The following ST6GALNAC3 variants were observed in gnomAD, a reference collection of about 807,000 sequenced individuals.
ST6GALNAC3 encodes the protein alpha-N-acetylgalactosaminide alpha-2,6-sialyltransferase 3.
ST6GALNAC3 carries 25 observed loss-of-function variants against 32.7 expected under a neutral mutation model. The ratio of observed to expected loss-of-function variants is 0.76; its 90% confidence interval spans 0.56 to 1.07. The LOEUF (loss-of-function observed/expected upper bound fraction) is 1.07, where lower values mean the gene tolerates loss of function less well. Among genes scored for constraint, ST6GALNAC3 ranks in the 50% least tolerant of loss-of-function variants. The probability of loss-of-function intolerance (pLI) is 0.00; values close to 1 mark genes in which losing one functional copy is unlikely to be tolerated. For missense variants in ST6GALNAC3, 355 were observed against 382.4 expected (o/e 0.93, Z 0.60); for synonymous variants, 129 against 133.1 (o/e 0.97, Z 0.21).
intron 1 of ST6GALNAC3, among the ~76,000 whole-genome samples, chr1:76,156,976 C>G (rs930447858): frequency 1.1e-4 from 16 of 152,142 alleles, no homozygotes; most frequent in African/African-American, 3.9e-4. Flanking sequence ...CGTGATCTGC[C>G]CGCCTTGGCC....
At chr1:76,608,504 T>C (rs1250970952) in intron 3 of ST6GALNAC3, among the ~76,000 whole-genome samples, 2 of 152,018 alleles carry the variant, frequency 1.3e-5, no homozygotes, top group African/African-American at 4.8e-5. Context: ...TGGTGAGGCA[T>C]GAGGGCATTT....
At chr1:76,155,810 G>A (rs976818160) in intron 1 of ST6GALNAC3, among the ~76,000 whole-genome samples, 40 of 152,104 alleles carry the variant, frequency 2.6e-4, no homozygotes, top group African/African-American at 9.7e-4. Flanking sequence ...TCCTGTTGTT[G>A]TTGTTTTAAT....
intron 2 of ST6GALNAC3, among the ~76,000 whole-genome samples, chr1:76,392,074 G>C (rs1652607747): frequency 6.6e-6 from 1 of 152,090 alleles, no homozygotes; most frequent in Non-Finnish European, 1.5e-5. Context: ...TTCTTTGCAG[G>C]ATCTTTAGCA....
At chr1:76,586,292 C>T (rs145425256) in intron 3 of ST6GALNAC3, among the ~76,000 whole-genome samples, 3 of 152,288 alleles carry the variant, frequency 2.0e-5, no homozygotes, top group Non-Finnish European at 2.9e-5. Flanking sequence ...TCTTGCACTG[C>T]GGAGTGAATA....
chr1:76,423,300 A>C (rs1421773669), intron 3 of ST6GALNAC3, among the ~76,000 whole-genome samples: 1 of 151,990 alleles, frequency 6.6e-6, no homozygotes, highest in Non-Finnish European at 1.5e-5. Flanking sequence ...CAGTTCTCTG[A>C]CTTATCATGT....
At chr1:76,493,889 C>G (rs1411044224) in intron 3 of ST6GALNAC3, among the ~76,000 whole-genome samples, 2 of 152,112 alleles carry the variant, frequency 1.3e-5, no homozygotes, top group African/African-American at 4.8e-5. Context: ...GCCATTTCCT[C>G]AGGGGATATG....
At chr1:76,527,995 T>C (rs1437656118) in intron 3 of ST6GALNAC3, among the ~76,000 whole-genome samples, 2 of 152,180 alleles carry the variant, frequency 1.3e-5, no homozygotes, top group Non-Finnish European at 2.9e-5. Context: ...GACAAATATT[T>C]GACCTTTTGA....
intron 3 of ST6GALNAC3, among the ~76,000 whole-genome samples, chr1:76,424,428 T>C (rs529034306): frequency 6.6e-6 from 1 of 151,966 alleles, no homozygotes; most frequent in Admixed American, 6.6e-5. Context: ...AAGATCATGT[T>C]CCTGGTGCTT....
At chr1:76,553,382 A>C (rs1664744414) in intron 3 of ST6GALNAC3, among the ~76,000 whole-genome samples, 2 of 152,198 alleles carry the variant, frequency 1.3e-5, no homozygotes, top group Admixed American at 6.5e-5. Context: ...CCTCTGAAGT[A>C]CTGGATTTGA....
At chr1:76,293,817 T>C (rs562798185) in intron 1 of ST6GALNAC3, among the ~76,000 whole-genome samples, 182 of 152,252 alleles carry the variant, frequency 1.2e-3, no homozygotes, top group African/African-American at 4.2e-3. Flanking sequence ...ACAGGCTATA[T>C]TGATGTTGCG....
chr1:76,458,697 G>A (rs1185019065), intron 3 of ST6GALNAC3, among the ~76,000 whole-genome samples: 1 of 141,062 alleles, frequency 7.1e-6, no homozygotes, highest in Admixed American at 7.3e-5. Context: ...AGAACACATG[G>A]ACACAGGAAG....
intron 1 of ST6GALNAC3, among the ~76,000 whole-genome samples, chr1:76,183,932 A>G (rs1241665793): frequency 6.7e-6 from 1 of 148,840 alleles, no homozygotes; most frequent in Non-Finnish European, 1.5e-5. Flanking sequence ...TATTATATAT[A>G]TACATATACA....
intron 3 of ST6GALNAC3, among the ~76,000 whole-genome samples, chr1:76,586,601 G>T (rs1207012329): frequency 6.6e-6 from 1 of 152,144 alleles, no homozygotes; most frequent in African/African-American, 2.4e-5. Flanking sequence ...TTAAACTCAG[G>T]TTAAAGTAAG....
At chr1:76,470,518 T>C (rs971631399) in intron 3 of ST6GALNAC3, among the ~76,000 whole-genome samples, 3 of 152,092 alleles carry the variant, frequency 2.0e-5, no homozygotes, top group African/African-American at 7.2e-5. Context: ...AGTGGCAAGT[T>C]AAAATAAATT....
intron 3 of ST6GALNAC3, among the ~76,000 whole-genome samples, chr1:76,587,182 C>T (rs554546537): frequency 5.4e-4 from 82 of 152,202 alleles, no homozygotes; most frequent in Admixed American, 9.2e-4. Flanking sequence ...GAGCTAGCTA[C>T]AGTCCCTTAA....
intron 2 of ST6GALNAC3, among the ~76,000 whole-genome samples, chr1:76,394,003 C>A (rs529531515): frequency 1.2e-4 from 19 of 152,246 alleles, no homozygotes; most frequent in African/African-American, 4.3e-4. Flanking sequence ...GCATCTTAAA[C>A]AAAGTTTATA....
intron 3 of ST6GALNAC3, among the ~76,000 whole-genome samples, chr1:76,516,758 C>G (rs1001498611): frequency 6.6e-6 from 1 of 151,944 alleles, no homozygotes; most frequent in South Asian, 2.1e-4. Flanking sequence ...TCTCTTAGTT[C>G]GTGTATATTT....
At chr1:76,369,862 C>A (rs1650678855) in intron 2 of ST6GALNAC3, among the ~76,000 whole-genome samples, 1 of 152,062 alleles carries the variant, frequency 6.6e-6, no homozygotes, top group African/African-American at 2.4e-5. Flanking sequence ...ATATTCTGAG[C>A]CTTGAAAATC....
intron 3 of ST6GALNAC3, among the ~76,000 whole-genome samples, chr1:76,566,436 C>A (rs149357667): frequency 6.6e-6 from 1 of 152,132 alleles, no homozygotes; most frequent in Non-Finnish European, 1.5e-5. Context: ...AAAGCTCACA[C>A]TCTTTACAAT....
Sources: gnomAD v4.1 joint callset for allele counts (sites outside exome capture counted in the v4.1 genomes callset) on GRCh38, gnomAD v4.1.1 for gene constraint, MANE v1.5 for transcripts, NCBI Gene and HGNC (gene_info 2026-07-23, HGNC 2026-07-21) for gene names.